The following ZNF320 variants were observed in gnomAD, a reference collection of about 807,000 sequenced individuals.
ZNF320 encodes zinc finger protein 320.
ZNF320 carries 2 observed loss-of-function variants against 6.8 expected under a neutral mutation model. The observed-to-expected ratio is 0.29, with a 90% CI of 0.12 to 0.93. ZNF320 has a LOEUF of 0.93. ZNF320 is among the 40% of genes least tolerant of loss of function. The pLI is 0.55. For synonymous variants in ZNF320, 208 were observed against 203.2 expected (o/e 1.02, Z -0.20); for missense variants, 472 against 611.0 (o/e 0.77, Z 2.40).
chr19:52,901,723 T>A (rs1278577146), upstream of ZNF320, among the ~76,000 whole-genome samples: 1 of 152,232 alleles, frequency 6.6e-6, no homozygotes, highest in Non-Finnish European at 1.5e-5. Context: ...TCTTTTGTTA[T>A]TTATTAAAGG....
chr19:52,893,923 T>C (rs914197624), intron 1 of ZNF320, 67 bp from the exon 2 acceptor site: 7 of 151,884 alleles, frequency 4.6e-5, no homozygotes, highest in Admixed American at 1.3e-4. Context: ...TGAATTAAGA[T>C]ACAACTTCAA....
chr19:52,863,934 AG>A, exon 6 of ZNF320: 1 of 387,802 alleles, frequency 2.6e-6, no homozygotes, highest in Non-Finnish European at 4.9e-6. Context: ...GTACATCAAA[AG>A]CACGTATGGG....
intron 2 of ZNF320, among the ~76,000 whole-genome samples, chr19:52,892,568 C>T (rs1169965048): frequency 6.6e-6 from 1 of 152,004 alleles, no homozygotes; most frequent in African/African-American, 2.4e-5. Context: ...CTGGCAAACA[C>T]AGTGAAACCC....
rs780919455 is a variant in ZNF320, at chr19:52,881,471, A to C, written c.655T>G (p.Cys219Gly). ...TCAAAAACCTTGCCACATTCATTAC[A>C]TGTGTAATGTTTGTCTCCCCTGTGA... is the stretch of plus-strand genomic sequence containing the variant. ...RIHRGDKHYT[C>G]NECGKVFDQK... Residue 219 changes from cysteine to glycine, a missense_variant, in exon 6 of 6, where the codon TGT becomes GGT. This residue lies in a region of ZNF320 where 462 missense variants were observed against 559.7 expected (regional missense o/e 0.83). Coordinates refer to ENST00000682928, the MANE Select transcript of ZNF320 (RefSeq NM_001351774.2). 11 of 1,614,162 alleles carry C rather than the reference A, an allele frequency of 6.8e-6. No individual in the cohort carries two copies. The Admixed American group carries it at 1.7e-4, about 24-fold the overall frequency.
At chr19:52,897,096 A>G (rs751875154) in intron 1 of ZNF320, among the ~76,000 whole-genome samples, 14 of 152,248 alleles carry the variant, frequency 9.2e-5, no homozygotes, top group Non-Finnish European at 1.5e-4. Flanking sequence ...GGGTCCCCGG[A>G]GACGCTGGCT....
rs535175991 is a variant in ZNF320, at chr19:52,881,009, C to T, written c.1117G>A (p.Ala373Thr). ...DKAFRSDSRLAEHQRVHTGER... is the reference protein window; with the variant it reads ...DKAFRSDSRLTEHQRVHTGER... ...CCAGTATGAACTCTCTGATGTTCTG[C>T]AAGACGTGAATCACTCCGGAAAGCC... is the stretch of plus-strand genomic sequence containing the variant. The change falls in exon 6 of 6, where the codon GCA (alanine) becomes ACA (threonine). Residue 373 changes from alanine to threonine, a missense_variant. By Grantham distance (58) the Ala-to-Thr change is moderately conservative. Transcript: ENST00000682928. 38 of 1,613,990 alleles carry T rather than the reference C, an allele frequency of 2.4e-5. No individual in the cohort carries two copies. The East Asian group carries it at 7.6e-4, about 32-fold the overall frequency.
At chr19:52,875,199 T>G (rs566192102), downstream of ZNF320, among the ~76,000 whole-genome samples, 1 of 152,190 alleles carries the variant, frequency 6.6e-6, no homozygotes, top group Non-Finnish European at 1.5e-5. Flanking sequence ...AGAAATACAC[T>G]GTCACCCTCA....
At chr19:52,875,895 A>G (rs1568702632), downstream of ZNF320, among the ~76,000 whole-genome samples, 2 of 152,370 alleles carry the variant, frequency 1.3e-5, no homozygotes, top group East Asian at 3.9e-4. Flanking sequence ...TTATTTTCCC[A>G]GAAAAATCAT....
At chr19:52,882,157 A>G (rs796324193) in intron 5 of ZNF320, among the ~76,000 whole-genome samples, 174 bp from the exon 6 acceptor site, 1 of 152,244 alleles carries the variant, frequency 6.6e-6, no homozygotes, top group East Asian at 1.9e-4. Context: ...GGCCAATTAC[A>G]TGTACTTCAA....
At chr19:52,868,602 A>T (rs932988204) in intron 5 of ZNF320, among the ~76,000 whole-genome samples, 1 of 152,106 alleles carries the variant, frequency 6.6e-6, no homozygotes, top group Non-Finnish European at 1.5e-5. Flanking sequence ...CATGACCCCA[A>T]TTTGCACATA....
At chr19:52,900,491 C>G (rs1304762860), upstream of ZNF320, among the ~76,000 whole-genome samples, 1 of 152,132 alleles carries the variant, frequency 6.6e-6, no homozygotes, top group East Asian at 1.9e-4. Flanking sequence ...TACAGTTCTT[C>G]TACAAACATA....
chr19:52,902,040 G>C (rs1358769202), upstream of ZNF320, among the ~76,000 whole-genome samples: 1 of 151,872 alleles, frequency 6.6e-6, no homozygotes, highest in Non-Finnish European at 1.5e-5. Flanking sequence ...GGGTGAAATG[G>C]ACTAAACCAT....
intron 5 of ZNF320, among the ~76,000 whole-genome samples, chr19:52,867,094 AT>A (rs1269355105): frequency 6.6e-6 from 1 of 152,154 alleles, no homozygotes; most frequent in Non-Finnish European, 1.5e-5. Flanking sequence ...AACAAATCGT[AT>A]AATAAAAACA....
At chr19:52,863,221 G>C (rs2063496302) in exon 6 of ZNF320, among the ~76,000 whole-genome samples, 1 of 151,998 alleles carries the variant, frequency 6.6e-6, no homozygotes, top group African/African-American at 2.4e-5. Flanking sequence ...ATACATAGAA[G>C]TATATGTATT....
chr19:52,903,562 C>T, the ZNF320 span, among the ~76,000 whole-genome samples: 1 of 152,100 alleles, frequency 6.6e-6, no homozygotes, highest in African/African-American at 2.4e-5. Context: ...GGCTAACCTA[C>T]CTCAAATGCT....
intron 5 of ZNF320, among the ~76,000 whole-genome samples, chr19:52,864,701 A>G (rs371669813): frequency 2.0e-5 from 3 of 151,950 alleles, no homozygotes; most frequent in Admixed American, 6.6e-5. Context: ...ACAGAGAGAC[A>G]CTCCATCTCA....
At chr19:52,903,951 T>C in the ZNF320 span, among the ~76,000 whole-genome samples, 98 of 152,060 alleles carry the variant, frequency 6.4e-4, no homozygotes, top group African/African-American at 2.2e-3. Context: ...CAGGCCACGC[T>C]TCCACTCAGA....
At chr19:52,895,739 G>C (rs1036590909) in intron 1 of ZNF320, 1 of 152,114 alleles carries the variant, frequency 6.6e-6, no homozygotes, top group Non-Finnish European at 1.5e-5. Context: ...GAACCCAAAA[G>C]ACGGAGGTTG....
intron 5 of ZNF320, among the ~76,000 whole-genome samples, chr19:52,869,937 C>T (rs926965627): frequency 2.6e-5 from 4 of 151,366 alleles, no homozygotes; most frequent in East Asian, 4.0e-4. Flanking sequence ...AGGATGGTCT[C>T]GATCTCCTGA....
Sources: gnomAD v4.1 joint callset for allele counts (sites outside exome capture counted in the v4.1 genomes callset) on GRCh38, gnomAD v4.1.1 for gene constraint, gnomAD v4.1.1 regional missense constraint, MANE v1.5 for transcripts, NCBI Gene and HGNC (gene_info 2026-07-23, HGNC 2026-07-21) for gene names.